Variants in ADAM22 observed in about 807,000 individuals in gnomAD.
ADAM22 encodes disintegrin and metalloproteinase domain-containing protein 22.
In ADAM22, 65 loss-of-function variants were observed where a neutral mutation model predicts 144.6. The observed-to-expected ratio is 0.45, with a 90% CI of 0.37 to 0.55. The LOEUF is 0.55. ADAM22 is among the 20% of genes least tolerant of loss of function. ADAM22 has a pLI of 0.00. For synonymous variants in ADAM22, 391 were observed against 412.6 expected (o/e 0.95, Z 0.63); for missense variants, 974 against 1,184.9 (o/e 0.82, Z 2.61).
At position 88,151,035 on chromosome 7, in the gene ADAM22, G is replaced by C. The variant is rs556129434; in HGVS notation, c.1617+4G>C. On this transcript the variant is annotated splice_donor_region_variant and intron_variant, in intron 19 of 31. Transcript: ENST00000413139. ...ATATTCATGTGATGGTGTTCAGGTA[G>C]GTCACTTCATTTTTACCTATGTTTT... 1.2e-6 allele frequency: 2 copies of C among 1,613,102 alleles called. No individual in the cohort carries two copies. Among genetic ancestry groups the C allele is most frequent in the African/African-American group, 2.7e-5 (2 of 74,978 alleles).
chr7:88,060,397 GT>G (rs562966202), intron 3 of ADAM22, among the ~76,000 whole-genome samples: 111 of 152,280 alleles, frequency 7.3e-4, no homozygotes, highest in Non-Finnish European at 1.2e-3. Context: ...TATCAGCTAA[GT>G]TTATATTATT....
rs560706993 is a variant in ADAM22 at position 88,144,592 on chromosome 7, A to C, written c.1321-533A>C. Reference sequence around the variant, plus strand: ...GTATCAGAAGGAGATATAGTAATAAAGGGTTTTTTCACAGATGACTAAACT... The same window carrying C: ...GTATCAGAAGGAGATATAGTAATAACGGGTTTTTTCACAGATGACTAAACT... On this transcript the variant is annotated intron_variant, in intron 15 of 31. Transcript: ENST00000413139. 2.6e-5 allele frequency among the ~76,000 whole-genome samples: 4 copies of C among 152,270 alleles called. No individual in the cohort carries two copies. In the South Asian group the frequency reaches 8.3e-4, roughly 32 times the overall value.
At chr7:88,150,565 A>G (rs866606387) in intron 18 of ADAM22, among the ~76,000 whole-genome samples, 1 of 152,292 alleles carries the variant, frequency 6.6e-6, no homozygotes, top group Middle Eastern at 3.4e-3. Flanking sequence ...CCATTTATGC[A>G]GACTTACTCT....
chr7:88,113,709 T>TATATTATAAATAAATAA (rs1826863173), intron 5 of ADAM22, among the ~76,000 whole-genome samples: 1 of 98,772 alleles, frequency 1.0e-5, no homozygotes, highest in African/African-American at 4.5e-5. Flanking sequence ...AATAAATATA[T>TATATTATAAATAAATAA]ATATATATAT....
At chr7:88,045,892 G>GTGTGTGTGTGTA (rs1345289552) in intron 3 of ADAM22, among the ~76,000 whole-genome samples, 36 of 120,744 alleles carry the variant, frequency 3.0e-4, no homozygotes, top group African/African-American at 1.3e-3. Context: ...ATTCTATTGT[G>GTGTGTGTGTGTA]TGTGTGTGTG....
intron 14 of ADAM22, among the ~76,000 whole-genome samples, chr7:88,137,629 C>G (rs1274276584): frequency 6.6e-6 from 1 of 152,060 alleles, no homozygotes; most frequent in Non-Finnish European, 1.5e-5. Flanking sequence ...ATTTTAACCC[C>G]TGCATTAGAA....
At chr7:88,061,810 C>G (rs1809948993) in intron 3 of ADAM22, among the ~76,000 whole-genome samples, 1 of 150,206 alleles carries the variant, frequency 6.7e-6, no homozygotes, top group African/African-American at 2.5e-5. Flanking sequence ...ACAAAAGAGT[C>G]AGCCTTCTCT....
At chr7:88,059,457 G>C (rs1020764927) in intron 3 of ADAM22, among the ~76,000 whole-genome samples, 1 of 152,162 alleles carries the variant, frequency 6.6e-6, no homozygotes, top group Non-Finnish European at 1.5e-5. Context: ...GAGAGATTGA[G>C]AGTTCAATTC....
At chr7:88,039,625 G>GTA (rs1173986818) in intron 3 of ADAM22, among the ~76,000 whole-genome samples, 1 of 149,946 alleles carries the variant, frequency 6.7e-6, no homozygotes. Context: ...GTGTGTGTGT[G>GTA]TGTCTGTGTG....
At chr7:88,013,436 A>AT (rs572415264) in intron 3 of ADAM22, among the ~76,000 whole-genome samples, 266 of 151,954 alleles carry the variant, frequency 1.8e-3, no homozygotes, top group African/African-American at 6.2e-3. Flanking sequence ...ATTAATTTTC[A>AT]TTTTTTGTCA....
At chr7:88,125,351 G>T (rs933728237) in intron 7 of ADAM22, among the ~76,000 whole-genome samples, 1 of 151,934 alleles carries the variant, frequency 6.6e-6, no homozygotes, top group Non-Finnish European at 1.5e-5. Context: ...AGAGAAATAT[G>T]AAAAATTTTC....
chr7:88,034,789 G>GT (rs919471029), intron 3 of ADAM22, among the ~76,000 whole-genome samples: 1 of 152,140 alleles, frequency 6.6e-6, no homozygotes, highest in Non-Finnish European at 1.5e-5. Context: ...GTTCTGTCTG[G>GT]TGTTGCAGCA....
At chr7:87,987,905 T>G (rs1271687235) in intron 3 of ADAM22, among the ~76,000 whole-genome samples, 1 of 152,190 alleles carries the variant, frequency 6.6e-6, no homozygotes, top group Non-Finnish European at 1.5e-5. Flanking sequence ...CTAATGAGTG[T>G]GTGGCAGATT....
intron 3 of ADAM22, among the ~76,000 whole-genome samples, chr7:88,016,210 C>A (rs535082843): frequency 5.3e-5 from 8 of 152,202 alleles, no homozygotes; most frequent in African/African-American, 1.9e-4. Context: ...AAAGTCACTT[C>A]CCTAAAGCTT....
At chr7:87,945,267 AAGTT>A (rs1843417378) in intron 2 of ADAM22, among the ~76,000 whole-genome samples, 2 of 152,136 alleles carry the variant, frequency 1.3e-5, no homozygotes, top group Admixed American at 1.3e-4. Flanking sequence ...AAGAGTCCCT[AAGTT>A]AGAATTTGGA....
chr7:87,936,124 A>G (rs1190861795), intron 2 of ADAM22, among the ~76,000 whole-genome samples: 3 of 151,682 alleles, frequency 2.0e-5, no homozygotes, highest in African/African-American at 7.3e-5. Flanking sequence ...TGATGATGTG[A>G]TAATTATACT....
intron 4 of ADAM22, among the ~76,000 whole-genome samples, chr7:88,100,952 T>G (rs1484520508): frequency 1.3e-5 from 2 of 150,648 alleles, no homozygotes; most frequent in African/African-American, 2.4e-5. Flanking sequence ...TGGAACAGAC[T>G]GCAGCCATGC....
chr7:88,079,582 G>A (rs1436415968), intron 4 of ADAM22, among the ~76,000 whole-genome samples: 1 of 152,184 alleles, frequency 6.6e-6, no homozygotes, highest in African/African-American at 2.4e-5. Context: ...ACCTATCAGT[G>A]TGCTGTATTC....
intron 4 of ADAM22, among the ~76,000 whole-genome samples, chr7:88,107,335 G>C (rs1824704154): frequency 6.7e-6 from 1 of 149,564 alleles, no homozygotes; most frequent in African/African-American, 2.5e-5. Flanking sequence ...CCGAGTAACT[G>C]GGATTACAGG....
Sources: allele counts gnomAD v4.1 joint callset (sites outside exome capture counted in the v4.1 genomes callset), GRCh38; gene constraint gnomAD v4.1.1; transcripts MANE v1.5; gene names NCBI Gene and HGNC (gene_info 2026-07-23, HGNC 2026-07-21).